STARD13: variants seen among roughly 807,000 people sequenced by gnomAD.
STARD13 encodes stAR-related lipid transfer protein 13.
In STARD13, 62 loss-of-function variants were observed where a neutral mutation model predicts 106.4. The observed-to-expected ratio is 0.58, with a 90% confidence interval of 0.48 to 0.72. The LOEUF (loss-of-function observed/expected upper bound fraction) is 0.72. STARD13 is among the 30% of genes least tolerant of loss of function. The pLI is 0.00. For synonymous variants in STARD13, 565 were observed against 553.0 expected (o/e 1.02, Z -0.31); for missense variants, 1,387 against 1,424.0 (o/e 0.97, Z 0.42).
the STARD13 span, among the ~76,000 whole-genome samples, chr13:33,601,886 G>T: frequency 3.9e-4 from 59 of 152,116 alleles, no homozygotes; most frequent in Non-Finnish European, 5.3e-4. Flanking sequence ...TGAGGATGCT[G>T]CGATCTCTAG....
At chr13:33,196,628 A>G (rs1399469738) in intron 1 of STARD13, among the ~76,000 whole-genome samples, 1 of 152,172 alleles carries the variant, frequency 6.6e-6, no homozygotes, top group Non-Finnish European at 1.5e-5. Flanking sequence ...GACTCGATTG[A>G]GAGACTGTGA....
chr13:33,226,973 C>T (rs893984143), intron 1 of STARD13, among the ~76,000 whole-genome samples: 1 of 152,116 alleles, frequency 6.6e-6, no homozygotes, highest in African/African-American at 2.4e-5. Context: ...TATATTCATT[C>T]GTTCTTATAA....
the STARD13 span, among the ~76,000 whole-genome samples, chr13:33,591,037 C>T: frequency 6.6e-6 from 1 of 152,218 alleles, no homozygotes; most frequent in African/African-American, 2.4e-5. Flanking sequence ...ATTCTAATAA[C>T]ATTTGGAATT....
At chr13:33,419,420 A>C in the STARD13 span, among the ~76,000 whole-genome samples, 13 of 152,218 alleles carry the variant, frequency 8.5e-5, no homozygotes, top group Admixed American at 4.6e-4. Context: ...TTAGATTAAA[A>C]AAAGAGTAGA....
the STARD13 span, among the ~76,000 whole-genome samples, chr13:33,446,992 CTG>C: frequency 2.0e-5 from 3 of 152,154 alleles, no homozygotes; most frequent in Non-Finnish European, 4.4e-5. Context: ...CTCTCTCTTT[CTG>C]TGTATATTTT....
Position 33,200,942 on chromosome 13 carries a change from C to T in STARD13, c.170-33320G>A, listed in dbSNP as rs1371867319. On this transcript the variant is annotated intron_variant, in intron 1 of 13. Transcript: ENST00000336934. Reference sequence around the variant, plus strand: ...TCGGGAGGCTGAGGCGGGAGAATGGCGTGAACCCAGGAGGCGGAGCTTGCA... The same window carrying T: ...TCGGGAGGCTGAGGCGGGAGAATGGTGTGAACCCAGGAGGCGGAGCTTGCA... Among the ~76,000 whole-genome samples, 13 of 152,094 alleles carry T rather than the reference C, an allele frequency of 8.5e-5. 1 individual carries two copies. Among genetic ancestry groups the T allele is most frequent in the Admixed American group, 4.6e-4 (7 of 15,274 alleles).
the STARD13 span, among the ~76,000 whole-genome samples, chr13:33,579,112 A>G: frequency 6.6e-6 from 1 of 152,124 alleles, no homozygotes; most frequent in Non-Finnish European, 1.5e-5. Context: ...AAACAACTAA[A>G]AGTAATTCTA....
intron 8 of STARD13, among the ~76,000 whole-genome samples, chr13:33,117,365 C>T (rs1443392101): frequency 6.6e-6 from 1 of 152,214 alleles, no homozygotes; most frequent in African/African-American, 2.4e-5. Context: ...ACCACCTCCA[C>T]CTCCCAAAGT....
the STARD13 span, among the ~76,000 whole-genome samples, chr13:33,667,812 T>G: frequency 3.3e-5 from 5 of 152,252 alleles, no homozygotes; most frequent in African/African-American, 9.6e-5. Flanking sequence ...TAAATGAGCA[T>G]TAGCCTAAAG....
At chr13:33,200,253 C>T (rs1566068910) in intron 1 of STARD13, among the ~76,000 whole-genome samples, 4 of 152,338 alleles carry the variant, frequency 2.6e-5, no homozygotes, top group South Asian at 4.1e-4. Context: ...TTCAGCTAGC[C>T]GCTTGCTCTG....
the STARD13 span, among the ~76,000 whole-genome samples, chr13:33,653,642 C>CA: frequency 1.3e-5 from 2 of 151,732 alleles, no homozygotes; most frequent in African/African-American, 4.9e-5. Context: ...GATATGACAC[C>CA]AAAAGTACAA....
At chr13:33,483,264 G>T in the STARD13 span, among the ~76,000 whole-genome samples, 1 of 152,194 alleles carries the variant, frequency 6.6e-6, no homozygotes, top group Non-Finnish European at 1.5e-5. Context: ...ACTTACAGTG[G>T]TAAGTAGCCT....
intron 1 of STARD13, among the ~76,000 whole-genome samples, chr13:33,213,908 T>C (rs964340856): frequency 1.3e-5 from 2 of 152,250 alleles, no homozygotes; most frequent in Non-Finnish European, 2.9e-5. Flanking sequence ...AAGATGCTAA[T>C]GGGCATCAAC....
intron 1 of STARD13, among the ~76,000 whole-genome samples, chr13:33,220,694 AAAAT>A (rs1888309237): frequency 6.6e-6 from 1 of 151,396 alleles, no homozygotes; most frequent in East Asian, 1.9e-4. Flanking sequence ...TCCATCTCAA[AAAAT>A]AAATAAATAA....
the STARD13 span, among the ~76,000 whole-genome samples, chr13:33,428,316 T>A: frequency 6.6e-6 from 1 of 151,852 alleles, no homozygotes; most frequent in Non-Finnish European, 1.5e-5. Flanking sequence ...AAAACAAATA[T>A]AGAAATTAGA....
At chr13:33,408,634 G>A in the STARD13 span, among the ~76,000 whole-genome samples, 2 of 152,068 alleles carry the variant, frequency 1.3e-5, no homozygotes, top group Non-Finnish European at 2.9e-5. Context: ...GTACAACAAT[G>A]TATATCCTTG....
intron 1 of STARD13, among the ~76,000 whole-genome samples, chr13:33,342,150 A>G (rs2077968324): frequency 6.6e-6 from 1 of 152,196 alleles, no homozygotes; most frequent in South Asian, 2.1e-4. Context: ...GAAAAATTTT[A>G]CCTTAACCAG....
the STARD13 span, among the ~76,000 whole-genome samples, chr13:33,359,036 G>GT: frequency 6.6e-6 from 1 of 152,164 alleles, no homozygotes; most frequent in South Asian, 2.1e-4. Flanking sequence ...ACAGGCTACT[G>GT]GGCTCTACCA....
At chr13:33,179,193 T>C (rs1239098731) in intron 1 of STARD13, among the ~76,000 whole-genome samples, 1 of 152,226 alleles carries the variant, frequency 6.6e-6, no homozygotes, top group African/African-American at 2.4e-5. Flanking sequence ...AAAATACTCC[T>C]TTATTTGAGG....
Sources: allele counts gnomAD v4.1 joint callset (sites outside exome capture counted in the v4.1 genomes callset), GRCh38; gene constraint gnomAD v4.1.1; transcripts MANE v1.5; gene names NCBI Gene and HGNC (gene_info 2026-07-23, HGNC 2026-07-21).